The following GRM8 variants were observed in gnomAD, a reference collection of about 807,000 sequenced individuals.
The protein encoded by GRM8 is metabotropic glutamate receptor 8.
In GRM8, 47 loss-of-function variants were observed where a neutral mutation model predicts 87.2. The observed-to-expected ratio is 0.54, with a 90% confidence interval of 0.43 to 0.69. The LOEUF is 0.69. Ranked by LOEUF, GRM8 falls within the 30% of genes least tolerant of loss-of-function variation. The probability of loss-of-function intolerance (pLI) is 0.00; values close to 1 mark genes in which losing one functional copy is unlikely to be tolerated. For missense variants in GRM8, 1,019 were observed against 1,139.2 expected, an observed-to-expected ratio of 0.89 and a Z score of 1.52; for synonymous variants, 396 against 404.5, an observed-to-expected ratio of 0.98 and a Z score of 0.25.
chr7:126,502,293 C>T (rs550674596), intron 9 of GRM8, among the ~76,000 whole-genome samples: 1 of 152,134 alleles, frequency 6.6e-6, no homozygotes, highest in East Asian at 1.9e-4. Flanking sequence ...TATATGGTGG[C>T]ATGTTTGAGA....
Position 126,904,668 on chromosome 7 carries a change from G to A in GRM8, c.743C>T (p.Ala248Val). The part of the protein sequence containing the change: ...ISREIGGVCI[A>V]QSQKIPREPR... ...TTCACGTGGGATTTTCTGTGACTGA[G>A]CAATGCAAACACCACCTATTTAAAA... is the stretch of plus-strand genomic sequence containing the variant. The change falls in exon 4 of 11, where the codon GCT becomes GTT. Residue 248 changes from alanine to valine, a missense_variant. Transcript: ENST00000339582. The A allele has an allele frequency of 1.2e-6, 2 of 1,613,564 alleles. No individual in the cohort carries two copies. Among genetic ancestry groups the A allele is most frequent in the Non-Finnish European group, 1.7e-6 (2 of 1,179,606 alleles).
At chr7:126,486,302 T>C (rs1012610139) in intron 9 of GRM8, among the ~76,000 whole-genome samples, 1 of 152,112 alleles carries the variant, frequency 6.6e-6, no homozygotes, top group African/African-American at 2.4e-5. Flanking sequence ...TGCATTTAAA[T>C]GTCGTTTCCA....
intron 6 of GRM8, among the ~76,000 whole-genome samples, chr7:126,831,077 G>A (rs890391605): frequency 1.3e-5 from 2 of 152,190 alleles, no homozygotes; most frequent in African/African-American, 4.8e-5. Flanking sequence ...TTGTCTCAGA[G>A]GAGTACCCGG....
At chr7:126,672,550 G>A (rs1194332082) in intron 7 of GRM8, among the ~76,000 whole-genome samples, 1 of 152,098 alleles carries the variant, frequency 6.6e-6, no homozygotes, top group Admixed American at 6.5e-5. Context: ...TCCCTCTAAT[G>A]AATCCTCCAA....
At chr7:127,039,267 G>A (rs116139619) in intron 3 of GRM8, among the ~76,000 whole-genome samples, 259 of 152,152 alleles carry the variant, frequency 1.7e-3, no homozygotes, top group African/African-American at 6.0e-3. Context: ...TCATTATGAC[G>A]GGCCCAGTCC....
intron 6 of GRM8, among the ~76,000 whole-genome samples, chr7:126,835,603 A>G (rs894963628): frequency 6.6e-6 from 1 of 152,230 alleles, no homozygotes; most frequent in Admixed American, 6.5e-5. Context: ...TCATCTTTAA[A>G]ATCCATTTAA....
At chr7:126,675,131 T>G (rs143710163) in intron 7 of GRM8, among the ~76,000 whole-genome samples, 1 of 152,194 alleles carries the variant, frequency 6.6e-6, no homozygotes, top group Admixed American at 6.5e-5. Flanking sequence ...TACCTTTGGT[T>G]TGAAGCAACA....
chr7:127,228,850 G>A (rs1429812067), intron 2 of GRM8: 1 of 152,044 alleles, frequency 6.6e-6, no homozygotes, highest in Non-Finnish European at 1.5e-5. Context: ...TTTTCTAGAT[G>A]GGCATAGATT....
At chr7:127,174,462 A>T (rs1793982263) in intron 2 of GRM8, among the ~76,000 whole-genome samples, 1 of 152,194 alleles carries the variant, frequency 6.6e-6, no homozygotes, top group Admixed American at 6.5e-5. Context: ...TGACCAAAGG[A>T]TGTCTCCTGG....
intron 6 of GRM8, among the ~76,000 whole-genome samples, chr7:126,840,772 C>A (rs1796201284): frequency 6.6e-6 from 1 of 152,090 alleles, no homozygotes; most frequent in Non-Finnish European, 1.5e-5. Context: ...AATTTCCTAT[C>A]AATTTAATAA....
intron 6 of GRM8, among the ~76,000 whole-genome samples, chr7:126,780,694 C>CAGT (rs1421993672): frequency 1.1e-4 from 15 of 138,554 alleles, no homozygotes; most frequent in African/African-American, 4.0e-4. Context: ...TGAGGCTTAG[C>CAGT]AGGGGAAGAA....
At chr7:127,153,542 G>A (rs1353127171) in intron 2 of GRM8, among the ~76,000 whole-genome samples, 1 of 152,090 alleles carries the variant, frequency 6.6e-6, no homozygotes, top group Non-Finnish European at 1.5e-5. Context: ...AGCGGAAGTG[G>A]GGAGAGTGGT....
At chr7:126,856,149 A>G (rs776344775) in intron 6 of GRM8, among the ~76,000 whole-genome samples, 13 of 152,092 alleles carry the variant, frequency 8.5e-5, no homozygotes, top group Non-Finnish European at 1.5e-4. Flanking sequence ...AACTCAAATA[A>G]TTAATAAAAG....
intron 3 of GRM8, among the ~76,000 whole-genome samples, chr7:127,014,902 T>C (rs1033878131): frequency 1.5e-5 from 2 of 130,570 alleles, no homozygotes; most frequent in African/African-American, 5.9e-5. Context: ...ACATCCAACA[T>C]GGGAGGGGAG....
At chr7:126,965,695 C>T (rs1460115142) in intron 3 of GRM8, among the ~76,000 whole-genome samples, 1 of 151,922 alleles carries the variant, frequency 6.6e-6, no homozygotes, top group Non-Finnish European at 1.5e-5. Context: ...ATCTTTATTT[C>T]CTTATTTTCT....
intron 2 of GRM8, among the ~76,000 whole-genome samples, chr7:127,212,904 T>C (rs986288660): frequency 1.1e-3 from 173 of 152,186 alleles, no homozygotes; most frequent in Non-Finnish European, 1.9e-3. Context: ...TCTGGTCAAA[T>C]TTGCATGAGG....
intron 3 of GRM8, among the ~76,000 whole-genome samples, chr7:126,976,033 C>T (rs1333515700): frequency 6.6e-6 from 1 of 152,044 alleles, no homozygotes; most frequent in Admixed American, 6.6e-5. Flanking sequence ...TCTTCAAGGT[C>T]CAAATAGTTA....
intron 2 of GRM8, among the ~76,000 whole-genome samples, chr7:127,137,043 G>A (rs1587112481): frequency 6.6e-6 from 1 of 152,074 alleles, no homozygotes; most frequent in East Asian, 1.9e-4. Flanking sequence ...AAGGGCATAG[G>A]TTTTACGGTC....
chr7:126,746,266 T>A (rs1368077423), intron 7 of GRM8, among the ~76,000 whole-genome samples: 1 of 151,774 alleles, frequency 6.6e-6, no homozygotes, highest in Non-Finnish European at 1.5e-5. Flanking sequence ...TATGCCATAG[T>A]ACTCATATTA....
Sources: gnomAD v4.1 joint callset for allele counts (sites outside exome capture counted in the v4.1 genomes callset) on GRCh38, gnomAD v4.1.1 for gene constraint, MANE v1.5 for transcripts, NCBI Gene and HGNC (gene_info 2026-07-23, HGNC 2026-07-21) for gene names.